Variants in TASP1 observed in about 807,000 individuals in gnomAD.
TASP1 encodes the protein threonine aspartase 1.
In TASP1, 16 loss-of-function variants were observed where a neutral mutation model predicts 56.6. The observed-to-expected ratio is 0.28, with a 90% confidence interval of 0.19 to 0.43. The LOEUF (loss-of-function observed/expected upper bound fraction) is 0.43, where lower values mean the gene tolerates loss of function less well. Among genes scored for constraint, TASP1 ranks in the 20% least tolerant of loss-of-function variants. The pLI, the probability that TASP1 is intolerant of heterozygous loss-of-function variation, is 1.00. For missense variants in TASP1, 393 were observed against 511.6 expected (o/e 0.77, Z 2.24); for synonymous variants, 179 against 184.2 (o/e 0.97, Z 0.23).
the TASP1 span, among the ~76,000 whole-genome samples, chr20:13,115,858 G>GTA: frequency 1.3e-5 from 2 of 152,126 alleles, no homozygotes; most frequent in Non-Finnish European, 2.9e-5. Context: ...CATCCTGTTT[G>GTA]TATTGCATAT....
the TASP1 span, chr20:13,117,749 T>C: frequency 1.3e-6 from 2 of 1,590,352 alleles, no homozygotes; most frequent in Non-Finnish European, 1.7e-6. Flanking sequence ...TGCTTGTGTC[T>C]GTTTAAAACC....
At chr20:13,311,248 G>GATAGATAGATGATAGATAGATAT in the TASP1 span, among the ~76,000 whole-genome samples, 1 of 106,174 alleles carries the variant, frequency 9.4e-6, no homozygotes. Flanking sequence ...ATAGATGATA[G>GATAGATAGATGATAGATAGATAT]ATAGATAGAT....
At chr20:13,318,617 A>G in the TASP1 span, among the ~76,000 whole-genome samples, 1 of 152,364 alleles carries the variant, frequency 6.6e-6, no homozygotes, top group Admixed American at 6.5e-5. Context: ...GGGATAAACT[A>G]TATCTTATTA....
intron 12 of TASP1, among the ~76,000 whole-genome samples, chr20:13,422,564 T>C (rs955973723): frequency 2.0e-5 from 3 of 152,208 alleles, no homozygotes; most frequent in Non-Finnish European, 4.4e-5. Context: ...CTAATAGCAC[T>C]ATAATTTCTG....
chr20:13,624,913 A>C (rs578044699), intron 3 of TASP1, among the ~76,000 whole-genome samples: 65 of 152,348 alleles, frequency 4.3e-4, no homozygotes, highest in African/African-American at 1.5e-3. Flanking sequence ...CAGAAGTTCA[A>C]CATCGTTGCA....
At chr20:13,424,061 G>A (rs6105093) in intron 12 of TASP1, among the ~76,000 whole-genome samples, 9,636 of 152,032 alleles carry the variant, frequency 0.063, 451 homozygotes, top group African/African-American at 0.13. Context: ...ATGTTCAAAG[G>A]GCAATCAAAA....
chr20:13,304,367 G>T, the TASP1 span, among the ~76,000 whole-genome samples: 1 of 152,124 alleles, frequency 6.6e-6, no homozygotes, highest in Non-Finnish European at 1.5e-5. Context: ...ATGGGGAGAG[G>T]TCCTTCTCAC....
intron 11 of TASP1, among the ~76,000 whole-genome samples, chr20:13,452,014 T>C (rs768877614): frequency 2.6e-5 from 4 of 152,046 alleles, no homozygotes; most frequent in Non-Finnish European, 4.4e-5. Context: ...AATTGGTTAG[T>C]GGAGGAATCA....
intron 4 of TASP1, among the ~76,000 whole-genome samples, chr20:13,588,945 T>C (rs2047421227): frequency 6.6e-6 from 1 of 151,972 alleles, no homozygotes; most frequent in Admixed American, 6.6e-5. Context: ...TAGCTAAGGA[T>C]AGATATATAA....
In TASP1 at chr20:13,484,733, CAA is replaced by C. The variant is rs34720600; in HGVS notation, c.875-1398_875-1397del. On this transcript the variant is annotated intron_variant, in intron 10 of 13. Transcript: ENST00000337743. ...CCTGGGGGACAAGAACAAGATTTCT[CAA>C]AAAAAAAAAAAAAAAAGAAAGAAAG... 2.6e-4 allele frequency among the ~76,000 whole-genome samples: 21 copies of C among 81,142 alleles called. No individual in the cohort carries two copies. In the South Asian group the frequency reaches 3.2e-3, roughly 12 times the overall value. The allele number at this position is 81,142 out of a possible 152,430, so 53.2% of individuals were successfully genotyped here.
At chr20:13,352,933 G>A in the TASP1 span, among the ~76,000 whole-genome samples, 1 of 152,084 alleles carries the variant, frequency 6.6e-6, no homozygotes, top group South Asian at 2.1e-4. Flanking sequence ...CTCTTTTAGT[G>A]TGATAAAAGG....
intron 10 of TASP1, among the ~76,000 whole-genome samples, chr20:13,518,748 G>C (rs1475430432): frequency 6.6e-6 from 1 of 152,090 alleles, no homozygotes; most frequent in Non-Finnish European, 1.5e-5. Context: ...AAGGAATTTA[G>C]AGCAGGGTAG....
intron 11 of TASP1, among the ~76,000 whole-genome samples, chr20:13,455,088 A>T (rs1210067761): frequency 6.6e-6 from 1 of 152,144 alleles, no homozygotes. Context: ...GAACTGCAGG[A>T]TCAAACAATA....
chr20:13,359,056 A>AC, the TASP1 span, among the ~76,000 whole-genome samples: 3 of 149,152 alleles, frequency 2.0e-5, 1 homozygote, highest in African/African-American at 7.6e-5. Flanking sequence ...GGGGGCAAGA[A>AC]CCCCCCAATC....
the TASP1 span, among the ~76,000 whole-genome samples, chr20:13,371,479 T>TACTA: frequency 0.49 from 73,775 of 151,780 alleles, 19,580 homozygotes; most frequent in Non-Finnish European, 0.59. Context: ...ATCTTTCTGT[T>TACTA]ACTTTTAATT....
At chr20:13,394,912 A>G (rs1382287571) in intron 13 of TASP1, among the ~76,000 whole-genome samples, 6 of 152,240 alleles carry the variant, frequency 3.9e-5, no homozygotes, top group Non-Finnish European at 1.5e-5. Context: ...AATACAATGG[A>G]TTAACAAATT....
At chr20:13,194,023 A>G in the TASP1 span, among the ~76,000 whole-genome samples, 1 of 152,210 alleles carries the variant, frequency 6.6e-6, no homozygotes, top group African/African-American at 2.4e-5. Context: ...GATACAGAAA[A>G]AGGTAGACCA....
chr20:13,498,987 G>A (rs2043842794), intron 10 of TASP1, among the ~76,000 whole-genome samples: 1 of 151,974 alleles, frequency 6.6e-6, no homozygotes, highest in Admixed American at 6.6e-5. Context: ...GGAAAATAAA[G>A]TATGCTACAA....
chr20:13,456,419 C>T (rs564791830), intron 11 of TASP1, among the ~76,000 whole-genome samples: 1 of 152,200 alleles, frequency 6.6e-6, no homozygotes, highest in South Asian at 2.1e-4. Flanking sequence ...TAGCCCTCCA[C>T]CATATAGTCC....
Sources: gnomAD v4.1 joint callset for allele counts (sites outside exome capture counted in the v4.1 genomes callset) on GRCh38, gnomAD v4.1.1 for gene constraint, MANE v1.5 for transcripts, NCBI Gene and HGNC (gene_info 2026-07-23, HGNC 2026-07-21) for gene names.